The following NBPF11 variants were observed in gnomAD, a reference collection of about 807,000 sequenced individuals.
The protein encoded by NBPF11 is NBPF family member NBPF11.
Under a neutral mutation model 93.9 loss-of-function variants are expected in NBPF11, and 72 were observed. The observed-to-expected ratio is 0.77, with a 90% CI of 0.63 to 0.93. The LOEUF (loss-of-function observed/expected upper bound fraction) is 0.93. NBPF11 is among the 40% of genes least tolerant of loss of function. The pLI, the probability that NBPF11 is intolerant of heterozygous loss-of-function variation, is 0.00. For synonymous variants in NBPF11, 224 were observed against 304.9 expected, an observed-to-expected ratio of 0.73 and a Z score of 2.76; for missense variants, 705 against 802.2, an observed-to-expected ratio of 0.88 and a Z score of 1.46.
At chr1:148,135,955 A>G (rs1477642695) in intron 3 of NBPF11, 142 bp from the exon 4 acceptor site, 7 of 648,816 alleles carry the variant, frequency 1.1e-5, no homozygotes, top group Non-Finnish European at 1.6e-5. Context: ...GATTCTTTAC[A>G]TGATTAAACT....
chr1:148,115,659 A>G (rs1289097664), intron 14 of NBPF11, 134 bp downstream of exon 14: 3 of 1,318,424 alleles, frequency 2.3e-6, no homozygotes, highest in Non-Finnish European at 2.1e-6. Context: ...AAGGACAAAA[A>G]AACTCCCTGA....
At chr1:148,105,809 G>C (rs1469569868) in intron 21 of NBPF11, among the ~76,000 whole-genome samples, 9 of 138,574 alleles carry the variant, frequency 6.5e-5, no homozygotes, top group African/African-American at 2.1e-4. Context: ...TCAGTGAATT[G>C]TCCAGGTGAC....
At chr1:148,112,018 C>A (rs1665401956) in intron 15 of NBPF11, among the ~76,000 whole-genome samples, 1 of 148,008 alleles carries the variant, frequency 6.8e-6, no homozygotes, top group East Asian at 2.0e-4. Context: ...TCGGATTACC[C>A]ACAAAGGGAA....
At chr1:148,122,014 G>T in intron 9 of NBPF11, 41 bp downstream of exon 9, 1 of 1,107,030 alleles carries the variant, frequency 9.0e-7, no homozygotes, top group South Asian at 1.2e-5. Context: ...ATCTTCCATA[G>T]CCTAGACAGA....
At chr1:148,141,656 G>A (rs2149291659) in intron 2 of NBPF11, among the ~76,000 whole-genome samples, 1 of 151,964 alleles carries the variant, frequency 6.6e-6, no homozygotes, top group South Asian at 2.1e-4. Flanking sequence ...TAGCAGATCA[G>A]TTAGGCAGAA....
intron 22 of NBPF11, 61 bp downstream of exon 22, chr1:148,105,299 A>C (rs1663274520): frequency 1.4e-6 from 1 of 719,776 alleles, no homozygotes; most frequent in African/African-American, 1.9e-5. Flanking sequence ...TTGGAGCAGG[A>C]ATATGATCTT....
chr1:148,122,625 G>C, intron 8 of NBPF11, 104 bp downstream of exon 8: 3 of 1,517,532 alleles, frequency 2.0e-6, no homozygotes, highest in Non-Finnish European at 1.8e-6. Context: ...CTGTGGCCAA[G>C]GGAATGCGGG....
At chr1:148,132,835 T>A (rs1282540636) in intron 4 of NBPF11, among the ~76,000 whole-genome samples, 20 of 104,836 alleles carry the variant, frequency 1.9e-4, no homozygotes, top group Non-Finnish European at 3.6e-4. Flanking sequence ...CACTGTAACC[T>A]CTGCCTCCCA....
chr1:148,148,044 G>T (rs1438819543), intron 1 of NBPF11, among the ~76,000 whole-genome samples: 25 of 152,292 alleles, frequency 1.6e-4, no homozygotes, highest in African/African-American at 5.5e-4. Context: ...GCAGCTGGGG[G>T]CTCCTGCCTG....
chr1:148,129,104 A>T (rs1337714628), intron 4 of NBPF11, among the ~76,000 whole-genome samples: 2 of 112,552 alleles, frequency 1.8e-5, no homozygotes, highest in East Asian at 3.5e-4. Flanking sequence ...ATATATATAT[A>T]ATATATATAC....
chr1:148,105,532 G>A lies in NBPF11; in HGVS notation c.2304-4C>T, dbSNP rs1663344397. The stretch of plus-strand genomic sequence containing the variant: ...CTCCAGCAGCTCCCTGCTGAGCCTG[G>A]AAAAGGAGGAAAAAGTAAAGAATAA... On this transcript the variant is annotated splice_region_variant and splice_polypyrimidine_tract_variant and intron_variant, in intron 21 of 23. Coordinates refer to ENST00000682118, the MANE Select transcript of NBPF11 (RefSeq NM_001385469.3). The A allele has an allele frequency of 6.6e-6, 5 of 757,666 alleles. No homozygotes were observed. Among genetic ancestry groups the A allele is most frequent in the Non-Finnish European group, 1.1e-5 (5 of 434,914 alleles). The allele number at this position is 757,666 out of a possible 1,614,324, so 46.9% of individuals were successfully genotyped here.
chr1:148,149,392 G>A (rs1439110470), intron 1 of NBPF11: 3 of 1,585,350 alleles, frequency 1.9e-6, no homozygotes, highest in Admixed American at 1.7e-5. Context: ...TCCACGGCAG[G>A]GAGGACGAGG....
In NBPF11 at chr1:148,146,788, A is replaced by G. The variant is rs1365449104; in HGVS notation, c.-548-3102T>C. 45 of 1,613,226 alleles carry G rather than the reference A, an allele frequency of 2.8e-5. 2 individuals carry two copies. The African/African-American group carries it at 5.9e-4, about 21-fold the overall frequency. On this transcript the variant is annotated intron_variant, in intron 1 of 23. Transcript: ENST00000682118. ...CCTGGGCCAGATGAGCAGCTTCTAC[A>G]TTGGCCTGGGCTCCCGCCTCCACTG... is the stretch of plus-strand genomic sequence containing the variant.
chr1:148,109,601 A>AT, intron 16 of NBPF11, among the ~76,000 whole-genome samples: 2 of 145,428 alleles, frequency 1.4e-5, no homozygotes, highest in Non-Finnish European at 3.0e-5. Flanking sequence ...CAAATGAGCA[A>AT]TTTTTTCCCC....
intron 4 of NBPF11, among the ~76,000 whole-genome samples, chr1:148,133,568 C>T (rs1310498283): frequency 6.6e-6 from 1 of 152,030 alleles, no homozygotes; most frequent in East Asian, 1.9e-4. Context: ...TTGCCAAATG[C>T]TTTTACTGTG....
chr1:148,124,568 TA>T (rs1211461609), intron 6 of NBPF11, among the ~76,000 whole-genome samples: 1 of 151,538 alleles, frequency 6.6e-6, no homozygotes, highest in Non-Finnish European at 1.5e-5. Context: ...TGATTCTCAC[TA>T]AGGGTAAGTG....
chr1:148,141,211 C>T (rs1371522636), intron 2 of NBPF11, among the ~76,000 whole-genome samples: 1 of 151,960 alleles, frequency 6.6e-6, no homozygotes, highest in African/African-American at 2.4e-5. Flanking sequence ...TTGCATGATG[C>T]TGTATTGAGG....
chr1:148,147,687 G>A (rs1221135341), intron 1 of NBPF11, among the ~76,000 whole-genome samples: 3 of 151,994 alleles, frequency 2.0e-5, no homozygotes, highest in Admixed American at 1.3e-4. Flanking sequence ...GCCCTAGGGA[G>A]GTGGGGTCGT....
Position 148,103,851 on chromosome 1 carries a change from A to G in NBPF11, c.*45T>C. ...AAGTACATTGATGGAGTCGAATAAT[A>G]TCTATCCAGTGAGTCCTGTAAGACT... On this transcript the variant is annotated 3_prime_UTR_variant, in exon 24 of 24. Transcript: ENST00000682118. 3 of 1,611,378 alleles carry G rather than the reference A, an allele frequency of 1.9e-6. No homozygotes were observed. Among genetic ancestry groups the G allele is most frequent in the Middle Eastern group, 4.5e-4 (2 of 4,494 alleles).
Sources: gnomAD v4.1 joint callset for allele counts (sites outside exome capture counted in the v4.1 genomes callset) on GRCh38, gnomAD v4.1.1 for gene constraint, MANE v1.5 for transcripts, NCBI Gene and HGNC (gene_info 2026-07-23, HGNC 2026-07-21) for gene names.